The following ZNF148 variants were observed in gnomAD, a reference collection of about 807,000 sequenced individuals.
The protein encoded by ZNF148 is Beta-Enolase Repressor Factor-1.
Under a neutral mutation model 67.7 loss-of-function variants are expected in ZNF148, and 7 were observed. The ratio of observed to expected loss-of-function variants is 0.10; its 90% CI spans 0.06 to 0.19. ZNF148 has a LOEUF of 0.19. Ranked by LOEUF, ZNF148 falls within the 10% of genes least tolerant of loss-of-function variation. The probability of loss-of-function intolerance (pLI) is 1.00; values close to 1 mark genes in which losing one functional copy is unlikely to be tolerated. For missense variants in ZNF148, 583 were observed against 947.1 expected, an observed-to-expected ratio of 0.62 and a Z score of 5.05; for synonymous variants, 333 against 330.7, an observed-to-expected ratio of 1.01 and a Z score of -0.08.
At chr3:125,301,454 A>G (rs1939582432) in intron 4 of ZNF148, among the ~76,000 whole-genome samples, 1 of 152,256 alleles carries the variant, frequency 6.6e-6, no homozygotes, top group Non-Finnish European at 1.5e-5. Context: ...CAGTTATCAC[A>G]CATGATGACT....
chr3:125,248,666 C>G (rs1936706891), intron 7 of ZNF148, among the ~76,000 whole-genome samples: 1 of 152,162 alleles, frequency 6.6e-6, no homozygotes, highest in African/African-American at 2.4e-5. Context: ...TTTTTTTATA[C>G]TAGCTGCAAC....
intron 7 of ZNF148, among the ~76,000 whole-genome samples, chr3:125,241,320 T>C (rs962316169): frequency 6.0e-5 from 9 of 149,820 alleles, no homozygotes; most frequent in Admixed American, 1.3e-4. Flanking sequence ...TTTCTTTCTT[T>C]TTTTTTTTTT....
chr3:125,351,200 C>T (rs938587049), intron 1 of ZNF148, among the ~76,000 whole-genome samples: 11 of 151,846 alleles, frequency 7.2e-5, no homozygotes, highest in African/African-American at 2.7e-4. Context: ...GAATGAGACC[C>T]AGTCTCTACA....
chr3:125,359,196 C>CT (rs745557622), intron 1 of ZNF148, among the ~76,000 whole-genome samples: 1 of 152,238 alleles, frequency 6.6e-6, no homozygotes, highest in Non-Finnish European at 1.5e-5. Context: ...CTTCAACACT[C>CT]TGAGTCTCCA....
At chr3:125,278,738 T>TC (rs1412495770) in intron 6 of ZNF148, among the ~76,000 whole-genome samples, 3 of 152,214 alleles carry the variant, frequency 2.0e-5, no homozygotes, top group African/African-American at 7.2e-5. Flanking sequence ...CTCTACAATT[T>TC]CATTATCTTA....
At chr3:125,338,160 C>G (rs1339804048) in intron 1 of ZNF148, among the ~76,000 whole-genome samples, 1 of 151,994 alleles carries the variant, frequency 6.6e-6, no homozygotes, top group Non-Finnish European at 1.5e-5. Context: ...AATGTCTACT[C>G]TAACATAACA....
chr3:125,265,352 T>C (rs1301823925), intron 7 of ZNF148, among the ~76,000 whole-genome samples: 1 of 152,252 alleles, frequency 6.6e-6, no homozygotes, highest in Admixed American at 6.5e-5. Context: ...ATCTCCTTAA[T>C]AACAGCACCT....
At chr3:125,337,513 T>C (rs1296577450) in intron 1 of ZNF148, among the ~76,000 whole-genome samples, 3 of 152,162 alleles carry the variant, frequency 2.0e-5, no homozygotes, top group Admixed American at 2.0e-4. Flanking sequence ...ACATAAGTTT[T>C]TACTGAATAA....
chr3:125,238,777 T>C (rs971344213), intron 7 of ZNF148, among the ~76,000 whole-genome samples: 1 of 152,166 alleles, frequency 6.6e-6, no homozygotes, highest in Non-Finnish European at 1.5e-5. Context: ...TCTAAAAGAA[T>C]TGAAAACATG....
chr3:125,355,653 G>T (rs564264425), intron 1 of ZNF148, among the ~76,000 whole-genome samples: 1 of 151,946 alleles, frequency 6.6e-6, no homozygotes, highest in Non-Finnish European at 1.5e-5. Context: ...TTGGGAGGCC[G>T]AGGCAGGAGG....
At chr3:125,370,767 T>C (rs758082821) in intron 1 of ZNF148, among the ~76,000 whole-genome samples, 93 of 152,282 alleles carry the variant, frequency 6.1e-4, no homozygotes, top group Non-Finnish European at 1.1e-3. Flanking sequence ...CCCAGTATAG[T>C]TTTTTCCTAC....
chr3:125,369,763 G>T (rs1942818027), intron 1 of ZNF148, among the ~76,000 whole-genome samples: 1 of 152,068 alleles, frequency 6.6e-6, no homozygotes, highest in African/African-American at 2.4e-5. Flanking sequence ...ATCACCTGAG[G>T]TCAGGAGTTC....
chr3:125,322,324 T>C lies in ZNF148; in HGVS notation c.-17+985A>G, dbSNP rs914062862. Among the ~76,000 whole-genome samples, 4 of 151,942 alleles carry C rather than the reference T, an allele frequency of 2.6e-5. No individual in the cohort carries two copies. In the South Asian group the frequency reaches 8.3e-4, roughly 32 times the overall value. ...TACAGGCCTGAGGCCATTTTTTTTT[T>C]TTTAATGAAAATAAATCTGACTCAA... On this transcript the variant is annotated intron_variant, in intron 3 of 8. Coordinates refer to ENST00000360647, the MANE Select transcript of ZNF148 (RefSeq NM_021964.3).
chr3:125,289,748 T>C (rs1469209326), intron 4 of ZNF148, among the ~76,000 whole-genome samples: 1 of 152,124 alleles, frequency 6.6e-6, no homozygotes, highest in African/African-American at 2.4e-5. Flanking sequence ...CATGGAAATG[T>C]AGCATGTGGC....
At chr3:125,270,442 G>A (rs1009082503) in intron 7 of ZNF148, among the ~76,000 whole-genome samples, 1 of 152,066 alleles carries the variant, frequency 6.6e-6, no homozygotes, top group African/African-American at 2.4e-5. Flanking sequence ...TGAGTTTAAA[G>A]AAGTAATTGA....
intron 4 of ZNF148, among the ~76,000 whole-genome samples, chr3:125,291,605 A>G (rs1358977851): frequency 6.6e-6 from 1 of 152,070 alleles, no homozygotes; most frequent in African/African-American, 2.4e-5. Context: ...CTGCTTCACT[A>G]TCTATTTTAT....
At chr3:125,366,361 T>C (rs192740740) in intron 1 of ZNF148, among the ~76,000 whole-genome samples, 1 of 152,324 alleles carries the variant, frequency 6.6e-6, no homozygotes, top group African/African-American at 2.4e-5. Flanking sequence ...ACTACTTAGC[T>C]TAGCTTTCAA....
At chr3:125,325,081 AAT>A (rs1312089854) in intron 2 of ZNF148, among the ~76,000 whole-genome samples, 1 of 152,186 alleles carries the variant, frequency 6.6e-6, no homozygotes, top group African/African-American at 2.4e-5. Flanking sequence ...ACATATGTTA[AAT>A]ATGTTAAAAG....
At chr3:125,255,362 T>G (rs13327822) in intron 7 of ZNF148, among the ~76,000 whole-genome samples, 12,296 of 147,618 alleles carry the variant, frequency 0.083, 600 homozygotes, top group Non-Finnish European at 0.099. Flanking sequence ...TTCTCCTGCC[T>G]CAGCCTCCCA....
Sources: allele counts gnomAD v4.1 joint callset (sites outside exome capture counted in the v4.1 genomes callset), GRCh38; gene constraint gnomAD v4.1.1; transcripts MANE v1.5; gene names NCBI Gene and HGNC (gene_info 2026-07-23, HGNC 2026-07-21).